Variants in RUFY1 observed in about 807,000 individuals in gnomAD.
RUFY1 encodes RUN and FYVE domain-containing protein 1.
In RUFY1, 54 loss-of-function variants were observed where a neutral mutation model predicts 94.6. The observed-to-expected ratio is 0.57, with a 90% CI of 0.46 to 0.72. RUFY1 has a LOEUF of 0.72. Ranked by LOEUF, RUFY1 falls within the 30% of genes least tolerant of loss-of-function variation. RUFY1 has a pLI of 0.00. For synonymous variants in RUFY1, 396 were observed against 347.3 expected (o/e 1.14, Z -1.56); for missense variants, 883 against 883.9 (o/e 1.00, Z 0.01).
At chr5:179,606,210 C>T (rs982669372) in intron 16 of RUFY1, 8 of 498,148 alleles carry the variant, frequency 1.6e-5, no homozygotes, top group Admixed American at 7.2e-5. Context: ...AAGCAGGTGG[C>T]GGAGAGGAGG....
chr5:179,605,725 A>G lies in RUFY1; in HGVS notation c.1857-151A>G. 4.3e-6 allele frequency: 3 copies of G among 695,870 alleles called. No individual in the cohort carries two copies. The South Asian group carries it at 4.6e-5, about 11-fold the overall frequency. 43.1% of individuals were successfully genotyped at this position (695,870 alleles called of 1,614,324 possible). A position where few individuals can be genotyped will look rare whatever the true frequency, so the allele number is the denominator to read the frequency against. On this transcript the variant is annotated intron_variant, in intron 15 of 17. Transcript: ENST00000319449. ...TGTGATGAGGCAACTCTGGGATTGT[A>G]CAGAGGCGGAAGGCATTTTAACAAC...
intron 5 of RUFY1, among the ~76,000 whole-genome samples, chr5:179,573,441 GAT>G (rs1366918521): frequency 6.6e-6 from 1 of 152,110 alleles, no homozygotes; most frequent in Non-Finnish European, 1.5e-5. Flanking sequence ...GTTTGCTGCT[GAT>G]GTCTGAGGGA....
Position 179,609,703 on chromosome 5 carries a change from G to A in RUFY1, c.*184G>A. The A allele has an allele frequency of 1.8e-6, 1 of 554,490 alleles. No homozygotes were observed. Among genetic ancestry groups the A allele is most frequent in the Non-Finnish European group, 3.1e-6 (1 of 321,714 alleles). The allele number at this position is 554,490 out of a possible 1,614,324, so 34.3% of individuals were successfully genotyped here. A position where few individuals can be genotyped will look rare whatever the true frequency, so the allele number is the denominator to read the frequency against. On this transcript the variant is annotated 3_prime_UTR_variant, in exon 18 of 18. Coordinates refer to ENST00000319449, the MANE Select transcript of RUFY1 (RefSeq NM_025158.5). ...CTCTCACCTTTCTGTGACTTGTTCG[G>A]AATTAACTCCTCTGGATGGAAACTT...
intron 7 of RUFY1, among the ~76,000 whole-genome samples, chr5:179,582,655 C>A (rs1459789915): frequency 1.3e-5 from 2 of 151,548 alleles, no homozygotes; most frequent in Non-Finnish European, 2.9e-5. Flanking sequence ...GAGTTCGAGA[C>A]CAACATGGGG....
intron 8 of RUFY1, among the ~76,000 whole-genome samples, chr5:179,586,925 GACA>G (rs1360604759): frequency 1.3e-5 from 2 of 152,204 alleles, no homozygotes; most frequent in Admixed American, 1.3e-4. Flanking sequence ...ATGTGCTCAG[GACA>G]ACACTTGCCA....
chr5:179,592,361 G>A (rs907363564), intron 10 of RUFY1, among the ~76,000 whole-genome samples: 3 of 151,974 alleles, frequency 2.0e-5, no homozygotes, highest in African/African-American at 4.8e-5. Context: ...TTTGTGATCC[G>A]CCCGCCTGAG....
chr5:179,577,418 G>A (rs1250538239), intron 6 of RUFY1, among the ~76,000 whole-genome samples: 1 of 151,486 alleles, frequency 6.6e-6, no homozygotes, highest in Admixed American at 6.6e-5. Context: ...GCCCGTCTCG[G>A]CCTCCCAAAG....
At position 179,569,294 on chromosome 5, in the gene RUFY1, TC is replaced by T. The variant is rs756172591; in HGVS notation, c.705-7del. ...TGAGCATCGCCCTGTCCTGTCCATC[TC>T]TTTCAGCGAGTTCTATGAGCCTGAG... On this transcript the variant is annotated splice_polypyrimidine_tract_variant and splice_region_variant and intron_variant, in intron 4 of 17. Coordinates refer to ENST00000319449, the MANE Select transcript of RUFY1 (RefSeq NM_025158.5). 7 of 1,613,860 alleles carry T rather than the reference TC, an allele frequency of 4.3e-6. No individual in the cohort carries two copies. The East Asian group carries it at 1.6e-4, about 36-fold the overall frequency.
chr5:179,602,029 G>A, intron 15 of RUFY1, 43 bp downstream of exon 15: 1 of 1,498,126 alleles, frequency 6.7e-7, no homozygotes, highest in Admixed American at 1.7e-5. Context: ...AGGCACACCA[G>A]GCTACCCACC....
intron 5 of RUFY1, chr5:179,572,155 C>T: frequency 3.5e-6 from 1 of 288,360 alleles, no homozygotes; most frequent in Non-Finnish European, 7.0e-6. Context: ...AGCTTTCAGT[C>T]ATGGCTTCCA....
At chr5:179,572,772 T>TA (rs1398622464) in intron 5 of RUFY1, 2 of 155,722 alleles carry the variant, frequency 1.3e-5, no homozygotes, top group African/African-American at 2.4e-5. Context: ...CTTGTGCCCC[T>TA]ACTGGGTACC....
At chr5:179,586,508 TAGA>T (rs1482267888) in intron 8 of RUFY1, 4 of 449,788 alleles carry the variant, frequency 8.9e-6, no homozygotes, top group African/African-American at 4.0e-5. Context: ...GCCTCCCACC[TAGA>T]AGGACAAGGG....
At chr5:179,589,273 C>T (rs1764848071) in intron 8 of RUFY1, 2 of 374,722 alleles carry the variant, frequency 5.3e-6, no homozygotes, top group Admixed American at 4.3e-5. Flanking sequence ...AATCTTTGTC[C>T]ACATTCAGCA....
chr5:179,601,173 G>A (rs112557024), intron 14 of RUFY1, among the ~76,000 whole-genome samples: 1 of 149,624 alleles, frequency 6.7e-6, no homozygotes, highest in Admixed American at 6.7e-5. Context: ...CTTTTTTTTG[G>A]TTTTGTTTTG....
rs923204668 is a variant in RUFY1, at chr5:179,560,146, C to T, written c.432C>T (p.Pro144=). The change falls in exon 2 of 18, where the codon CCC becomes CCT. Residue 144 remains proline (P), a synonymous_variant. Coordinates refer to ENST00000319449, the MANE Select transcript of RUFY1 (RefSeq NM_025158.5). ...LGRSLDADHA[P]LQQFFVVMEH... ...GCAGCCTGGATGCGGACCATGCCCC[C>T]TTGCAGCAGTTCTTTGTAGTGATGG... The T allele has an allele frequency of 1.9e-6, 3 of 1,613,936 alleles. No homozygotes were observed. The African/African-American group carries it at 4.0e-5, about 22-fold the overall frequency.
intron 17 of RUFY1, among the ~76,000 whole-genome samples, 170 bp from the exon 18 acceptor site, chr5:179,609,206 C>CAA (rs5873655): frequency 0.028 from 3,450 of 121,270 alleles, 100 homozygotes; most frequent in African/African-American, 0.055. Context: ...GACTCTATCT[C>CAA]AAAAAAAAAA....
chr5:179,596,623 G>T lies in RUFY1; in HGVS notation c.1573G>T (p.Glu525Ter), dbSNP rs769595450. 1 of 1,612,924 alleles carries T rather than the reference G, an allele frequency of 6.2e-7. No homozygotes were observed. Among genetic ancestry groups the T allele is most frequent in the Non-Finnish European group, 8.5e-7 (1 of 1,179,904 alleles). Residue 525 changes from glutamate to a stop codon, truncating the protein, a stop_gained, in exon 13 of 18, where the codon GAG (glutamate) becomes TAG (stop). Transcript: ENST00000319449. LOFTEE classifies it high-confidence loss of function. Reference protein sequence around the residue: ...AEERSHKLQQELGGRIGALQL... With the variant: ...AEERSHKLQQ ...GGAGCGGAGCCACAAGCTGCAGCAGGAGCTGGGCGGGAGGATCGGCGCCCT... is the reference window on the plus strand; with the variant it reads ...GGAGCGGAGCCACAAGCTGCAGCAGTAGCTGGGCGGGAGGATCGGCGCCCT...
intron 6 of RUFY1, among the ~76,000 whole-genome samples, chr5:179,580,241 G>GTATATATATA (rs1554118908): frequency 0.018 from 1,708 of 93,824 alleles, 143 homozygotes; most frequent in Admixed American, 0.15. Context: ...GTGTGTGTGT[G>GTATATATATA]TATATTTTTT....
chr5:179,577,540 T>A (rs1763725652), intron 6 of RUFY1, among the ~76,000 whole-genome samples: 1 of 148,464 alleles, frequency 6.7e-6, no homozygotes, highest in South Asian at 2.1e-4. Context: ...CGGACGGAAA[T>A]TGCCGAAGAC....
Sources: allele counts gnomAD v4.1 joint callset (sites outside exome capture counted in the v4.1 genomes callset), GRCh38; gene constraint gnomAD v4.1.1; transcripts MANE v1.5; gene names NCBI Gene and HGNC (gene_info 2026-07-23, HGNC 2026-07-21).